H2BC12: variants seen among roughly 807,000 people sequenced by gnomAD.
The protein encoded by H2BC12 is H2B clustered histone 12.
In H2BC12, 6 loss-of-function variants were observed where a neutral mutation model predicts 6.3. That is an observed-to-expected ratio of 0.95 (90% confidence interval 0.52 to 1.87). The LOEUF (loss-of-function observed/expected upper bound fraction) is 1.87. Among genes scored for constraint, H2BC12 ranks in the 40% most tolerant of loss-of-function variants. H2BC12 has a pLI of 0.01. For synonymous variants in H2BC12, 132 were observed against 78.5 expected, an observed-to-expected ratio of 1.68 and a Z score of -3.60; for missense variants, 119 against 178.4, an observed-to-expected ratio of 0.67 and a Z score of 1.90.
rs758532494 is a variant in H2BC12, at chr6:27,146,762, T to TG, written c.36_37insC (p.Lys13GlnfsTer9). On this transcript the variant is annotated frameshift_variant, in exon 1 of 1. Transcript: ENST00000356950. LOFTEE classifies it high-confidence loss of function. The stretch of plus-strand genomic sequence containing the variant: ...TTAGTCACGGCTTTCTTCGAGCCCT[T>TG]CTTGGGCGCGGGAGCGGACTTCGCT... The TG allele has an allele frequency of 1.2e-6, 2 of 1,614,224 alleles. No individual in the cohort carries two copies. Among genetic ancestry groups the TG allele is most frequent in the Middle Eastern group, 1.6e-4 (1 of 6,062 alleles).
At chr6:27,142,279 C>CTT (rs201977751), downstream of H2BC12, among the ~76,000 whole-genome samples, 1 of 151,308 alleles carries the variant, frequency 6.6e-6, no homozygotes, top group African/African-American at 2.4e-5. Context: ...ACTTTTTTAA[C>CTT]TTTTTTTTTG....
the H2BC12 span, chr6:27,140,011 T>A: frequency 5.5e-6 from 1 of 183,272 alleles, no homozygotes; most frequent in Non-Finnish European, 1.2e-5. Context: ...TGGGCTCCAC[T>A]AAATGCTAGA....
At chr6:27,139,418 G>A in the H2BC12 span, 2 of 1,614,242 alleles carry the variant, frequency 1.2e-6, no homozygotes, top group Non-Finnish European at 1.7e-6. Flanking sequence ...GCCATTCGGC[G>A]CCTTGCTCGC....
At chr6:27,143,662 C>T (rs766260458), downstream of H2BC12, among the ~76,000 whole-genome samples, 3 of 150,958 alleles carry the variant, frequency 2.0e-5, no homozygotes, top group East Asian at 3.9e-4. Context: ...AAGTCCCTAA[C>T]CACAGTTAAA....
At chr6:27,139,911 G>A in the H2BC12 span, 1 of 425,456 alleles carries the variant, frequency 2.4e-6, no homozygotes. Flanking sequence ...AGTTTAGAAA[G>A]CCAAGGGGTC....
the H2BC12 span, among the ~76,000 whole-genome samples, chr6:27,141,200 G>A: frequency 1.2e-4 from 19 of 152,190 alleles, no homozygotes; most frequent in Middle Eastern, 3.4e-3. Flanking sequence ...TTCTAAATAA[G>A]CAATGATTAA....
At chr6:27,139,189 C>G in the H2BC12 span, 1,738 of 1,111,140 alleles carry the variant, frequency 1.6e-3, 2 homozygotes, top group Non-Finnish European at 2.1e-3. Context: ...GGTCCCCTCC[C>G]CCAATGCAGA....
chr6:27,146,409 T>A lies in H2BC12; in HGVS notation c.*9A>T. On this transcript the variant is annotated 3_prime_UTR_variant, in exon 1 of 1. Transcript: ENST00000356950. ...TGGGGTTGGGCTTTAAGACGCTTAC[T>A]TGGCAAGTTTACTTAGCGCTGGTGT... 6.2e-7 allele frequency: 1 copy of A among 1,614,240 alleles called. No individual in the cohort carries two copies. The highest frequency in any genetic ancestry group is 8.5e-7 in the Non-Finnish European group (1 of 1,180,032).
rs201172913 is a variant in H2BC12, at chr6:27,146,841, A to AT, written c.-44_-43insA. ...AGCCTGAGACGAGCAGCAGATCGAGAAAACGGGAAGTAATGGGAGCAAGGT... is the reference window on the plus strand; with the variant it reads ...AGCCTGAGACGAGCAGCAGATCGAGATAAACGGGAAGTAATGGGAGCAAGGT... On this transcript the variant is annotated 5_prime_UTR_variant, in exon 1 of 1. Coordinates refer to ENST00000356950, the MANE Select transcript of H2BC12 (RefSeq NM_001312653.2). The AT allele has an allele frequency of 1.6e-5, 26 of 1,602,454 alleles. No individual in the cohort carries two copies. In the Middle Eastern group the frequency reaches 6.8e-4, roughly 42 times the overall value.
At chr6:27,139,820 C>A in the H2BC12 span, 1 of 886,074 alleles carries the variant, frequency 1.1e-6, no homozygotes, top group Non-Finnish European at 1.6e-6. Flanking sequence ...GAGATTTTTC[C>A]AAGGCCAGAA....
chr6:27,145,907 G>A (rs1760070047), downstream of H2BC12, among the ~76,000 whole-genome samples: 1 of 152,204 alleles, frequency 6.6e-6, no homozygotes, highest in South Asian at 2.1e-4. Flanking sequence ...AGCAAAGCAA[G>A]GCAGAGCTGG....
chr6:27,144,381 G>C (rs923499993), downstream of H2BC12, among the ~76,000 whole-genome samples: 8 of 144,966 alleles, frequency 5.5e-5, no homozygotes, highest in Non-Finnish European at 1.0e-4. Flanking sequence ...ATAATCGCTT[G>C]AACCTGGGAG....
chr6:27,139,700 C>G, the H2BC12 span: 3 of 1,507,288 alleles, frequency 2.0e-6, no homozygotes, highest in East Asian at 6.8e-5. Flanking sequence ...GTTGAAATGA[C>G]TGCAAACTGA....
At chr6:27,146,255 G>A (rs1385770504), downstream of H2BC12, among the ~76,000 whole-genome samples, 1 of 152,216 alleles carries the variant, frequency 6.6e-6, no homozygotes, top group East Asian at 1.9e-4. Context: ...TACAAGCACT[G>A]CATGCATTAC....
the H2BC12 span, chr6:27,139,465 G>A: frequency 6.2e-7 from 1 of 1,614,214 alleles, no homozygotes; most frequent in Non-Finnish European, 8.5e-7. Context: ...CCTCATCTAT[G>A]AGGAGACCCG....
chr6:27,146,442 G>A lies in H2BC12; in HGVS notation c.357C>T (p.Val119=), dbSNP rs768473740. The A allele has an allele frequency of 5.6e-6, 9 of 1,614,140 alleles. No homozygotes were observed. The highest frequency in any genetic ancestry group is 6.8e-6 in the Non-Finnish European group (8 of 1,180,060). Residue 119 remains valine, a synonymous_variant, in exon 1 of 1, where the codon GTC becomes GTT. Coordinates refer to ENST00000356950, the MANE Select transcript of H2BC12 (RefSeq NM_001312653.2). ...TTTACTTAGCGCTGGTGTACTTGGT[G>A]ACGGCCTTGGTGCCCTCGGACACGG... The part of the protein sequence containing the change: ...KHAVSEGTKA[V]TKYTSAK
the H2BC12 span, among the ~76,000 whole-genome samples, chr6:27,140,149 G>A: frequency 6.6e-6 from 1 of 151,822 alleles, no homozygotes; most frequent in African/African-American, 2.4e-5. Context: ...AAGAGTCTTA[G>A]TAATAATATT....
chr6:27,141,298 T>G, the H2BC12 span, among the ~76,000 whole-genome samples: 2 of 152,102 alleles, frequency 1.3e-5, no homozygotes, highest in African/African-American at 4.8e-5. Flanking sequence ...TGAAAGTTTG[T>G]TGAAAATTGT....
chr6:27,139,732 C>T, the H2BC12 span: 1 of 1,421,006 alleles, frequency 7.0e-7, no homozygotes, highest in Non-Finnish European at 9.4e-7. Context: ...GGGCCATTGT[C>T]AGTGAGTTCT....
Sources: allele counts gnomAD v4.1 joint callset (sites outside exome capture counted in the v4.1 genomes callset), GRCh38; gene constraint gnomAD v4.1.1; transcripts MANE v1.5; gene names NCBI Gene and HGNC (gene_info 2026-07-23, HGNC 2026-07-21).